PRIM2: variants seen among roughly 807,000 people sequenced by gnomAD.
PRIM2 encodes DNA primase large subunit.
Under a neutral mutation model 67.3 loss-of-function variants are expected in PRIM2, and 39 were observed. That is an observed-to-expected ratio of 0.58 (90% CI 0.45 to 0.76). PRIM2 has a LOEUF of 0.76. Ranked by LOEUF, PRIM2 falls within the 30% of genes least tolerant of loss-of-function variation. The pLI, the probability that PRIM2 is intolerant of heterozygous loss-of-function variation, is 0.00. For synonymous variants in PRIM2, 143 were observed against 198.7 expected (o/e 0.72, Z 2.36); for missense variants, 398 against 598.7 (o/e 0.66, Z 3.50).
the PRIM2 span, among the ~76,000 whole-genome samples, chr6:57,297,941 G>A: frequency 6.6e-6 from 1 of 152,158 alleles, no homozygotes; most frequent in South Asian, 2.1e-4. Context: ...GCGGGATCAT[G>A]GATCAGAAAA....
At chr6:57,481,332 T>C (rs1773622833) in intron 7 of PRIM2, among the ~76,000 whole-genome samples, 2 of 152,170 alleles carry the variant, frequency 1.3e-5, no homozygotes, top group African/African-American at 2.4e-5. Flanking sequence ...AGAAATGTTA[T>C]GTATATATAG....
rs534471426 is a variant in PRIM2, at chr6:57,443,385, C to G, written c.693+61217C>G. On this transcript the variant is annotated intron_variant, in intron 7 of 13. Transcript: ENST00000615550. Reference sequence around the variant, plus strand: ...CCTGCCAACGGTTTACAAGTGTTCCCTTTTACTCCATGCCCTTGCCACCAC... The same window carrying G: ...CCTGCCAACGGTTTACAAGTGTTCCGTTTTACTCCATGCCCTTGCCACCAC... 2.0e-3 allele frequency among the ~76,000 whole-genome samples: 312 copies of G among 152,274 alleles called. 5 individuals carry two copies. The highest frequency in any genetic ancestry group is 0.017 in the Admixed American group (259 of 15,294).
intron 7 of PRIM2, among the ~76,000 whole-genome samples, chr6:57,388,198 A>G (rs1298503619): frequency 1.3e-5 from 2 of 152,192 alleles, no homozygotes; most frequent in Non-Finnish European, 2.9e-5. Context: ...ACATTGGATG[A>G]TTTTGAATAA....
At chr6:57,420,924 A>G (rs918387242) in intron 7 of PRIM2, among the ~76,000 whole-genome samples, 2 of 152,182 alleles carry the variant, frequency 1.3e-5, no homozygotes, top group African/African-American at 4.8e-5. Context: ...GAGATCAGGG[A>G]TAGTAGTGAC....
At chr6:57,403,502 T>C (rs1286735961) in intron 7 of PRIM2, among the ~76,000 whole-genome samples, 2 of 151,992 alleles carry the variant, frequency 1.3e-5, no homozygotes, top group African/African-American at 4.8e-5. Context: ...GACCTCATGG[T>C]GCATCTGCCA....
chr6:57,339,498 C>T (rs1346084805), intron 5 of PRIM2, among the ~76,000 whole-genome samples: 1 of 151,954 alleles, frequency 6.6e-6, no homozygotes, highest in Non-Finnish European at 1.5e-5. Context: ...GTACTGGTAC[C>T]AAAACAGAGA....
intron 5 of PRIM2, among the ~76,000 whole-genome samples, chr6:57,371,858 G>A (rs896667565): frequency 3.9e-5 from 6 of 152,162 alleles, no homozygotes; most frequent in Non-Finnish European, 5.9e-5. Flanking sequence ...GATATTTTCT[G>A]CATTGTGTGT....
At chr6:57,252,736 C>T in the PRIM2 span, among the ~76,000 whole-genome samples, 25 of 152,268 alleles carry the variant, frequency 1.6e-4, no homozygotes, top group Middle Eastern at 3.4e-3. Flanking sequence ...CCACTGTGCC[C>T]GGCCTTGCTC....
intron 5 of PRIM2, among the ~76,000 whole-genome samples, chr6:57,344,564 A>G (rs1220967288): frequency 6.6e-6 from 1 of 152,206 alleles, no homozygotes; most frequent in East Asian, 1.9e-4. Context: ...TTAAAAGTAA[A>G]CACTACAAGT....
intron 10 of PRIM2, among the ~76,000 whole-genome samples, chr6:57,581,810 A>T (rs2127485202): frequency 6.6e-6 from 1 of 152,272 alleles, no homozygotes; most frequent in African/African-American, 2.4e-5. Context: ...CATACAGTCC[A>T]AAAAAGATTC....
At chr6:57,462,892 G>A (rs4990713) in intron 7 of PRIM2, among the ~76,000 whole-genome samples, 1 of 152,150 alleles carries the variant, frequency 6.6e-6, no homozygotes, top group South Asian at 2.1e-4. Flanking sequence ...TAACTGCTTC[G>A]TAGAGAAGCT....
chr6:57,256,964 T>TG, the PRIM2 span, among the ~76,000 whole-genome samples: 33 of 152,296 alleles, frequency 2.2e-4, no homozygotes, highest in African/African-American at 7.5e-4. Context: ...GCCTTGACAT[T>TG]GGGGAAAAAA....
intron 10 of PRIM2, among the ~76,000 whole-genome samples, chr6:57,578,250 A>G (rs1775998838): frequency 6.6e-6 from 1 of 152,186 alleles, no homozygotes; most frequent in Non-Finnish European, 1.5e-5. Context: ...TCACTTGGTT[A>G]AAGTGGTATC....
chr6:57,373,311 T>C (rs929992377), intron 5 of PRIM2, among the ~76,000 whole-genome samples: 1 of 152,114 alleles, frequency 6.6e-6, no homozygotes, highest in Non-Finnish European at 1.5e-5. Flanking sequence ...AATGTTTTTT[T>C]TTTTCTTGTA....
At chr6:57,628,780 C>T (rs1472241386) in intron 12 of PRIM2, among the ~76,000 whole-genome samples, 1 of 152,076 alleles carries the variant, frequency 6.6e-6, no homozygotes, top group African/African-American at 2.4e-5. Flanking sequence ...AGGATAATGG[C>T]CTTCAGCTGC....
chr6:57,240,098 T>TTTTG, the PRIM2 span, among the ~76,000 whole-genome samples: 2,253 of 75,814 alleles, frequency 0.03, 83 homozygotes, highest in African/African-American at 0.095. Context: ...TCTGTTTTTT[T>TTTTG]TTTTTTTTTT....
chr6:57,246,081 T>TA, the PRIM2 span, among the ~76,000 whole-genome samples: 2 of 152,216 alleles, frequency 1.3e-5, no homozygotes, highest in African/African-American at 2.4e-5. Flanking sequence ...CTCAACACTG[T>TA]AAAAAACTCC....
chr6:57,244,113 A>G, the PRIM2 span, among the ~76,000 whole-genome samples: 1,837 of 152,252 alleles, frequency 0.012, 19 homozygotes, highest in South Asian at 0.057. Flanking sequence ...TTGGGCTTGG[A>G]AAACGACCAA....
chr6:57,326,720 C>CA (rs34993120), intron 5 of PRIM2, among the ~76,000 whole-genome samples: 26,257 of 145,380 alleles, frequency 0.18, 2,436 homozygotes, highest in African/African-American at 0.2. Context: ...GACTCCGTCT[C>CA]AAAAAAAAAA....
Sources: gnomAD v4.1 joint callset for allele counts (sites outside exome capture counted in the v4.1 genomes callset) on GRCh38, gnomAD v4.1.1 for gene constraint, MANE v1.5 for transcripts, NCBI Gene and HGNC (gene_info 2026-07-23, HGNC 2026-07-21) for gene names.